Variants in NTRK3 observed in about 807,000 individuals in gnomAD.
NTRK3 encodes neurotrophic receptor tyrosine kinase 3.
NTRK3 carries 24 observed loss-of-function variants against 91.7 expected under a neutral mutation model. The ratio of observed to expected loss-of-function variants is 0.26; its 90% CI spans 0.19 to 0.37. The LOEUF (loss-of-function observed/expected upper bound fraction) is 0.37. NTRK3 is among the 10% of genes least tolerant of loss of function. The probability of loss-of-function intolerance (pLI) is 1.00; values close to 1 mark genes in which losing one functional copy is unlikely to be tolerated. For synonymous variants in NTRK3, 483 were observed against 404.0 expected, an observed-to-expected ratio of 1.20 and a Z score of -2.34; for missense variants, 880 against 1,068.9, an observed-to-expected ratio of 0.82 and a Z score of 2.46.
intron 14 of NTRK3, among the ~76,000 whole-genome samples, chr15:87,964,188 A>G (rs2072575080): frequency 6.6e-6 from 1 of 152,156 alleles, no homozygotes; most frequent in Admixed American, 6.6e-5. Flanking sequence ...ATAATTCATA[A>G]GGACACTCAA....
At chr15:87,985,139 G>T (rs891235236) in intron 14 of NTRK3, among the ~76,000 whole-genome samples, 2 of 152,148 alleles carry the variant, frequency 1.3e-5, no homozygotes. Flanking sequence ...TATCTCAGAA[G>T]GGGGAGACAG....
At chr15:88,125,274 G>A (rs895800802) in intron 13 of NTRK3, among the ~76,000 whole-genome samples, 1 of 152,196 alleles carries the variant, frequency 6.6e-6, no homozygotes, top group Admixed American at 6.5e-5. Flanking sequence ...ATACAACTCA[G>A]AGGATCACCG....
chr15:88,138,626 C>T (rs1007265624), intron 6 of NTRK3, among the ~76,000 whole-genome samples: 14 of 152,156 alleles, frequency 9.2e-5, no homozygotes, highest in African/African-American at 3.1e-4. Context: ...TTTGTTCCTA[C>T]CCCAGGACCT....
intron 5 of NTRK3, among the ~76,000 whole-genome samples, chr15:88,157,384 C>T (rs2044011305): frequency 6.6e-6 from 1 of 152,170 alleles, no homozygotes; most frequent in African/African-American, 2.4e-5. Flanking sequence ...CCCCTCCCTG[C>T]CTCTCAAGGA....
At position 87,873,911 on chromosome 15, in the gene NTRK3, C is replaced by T. The variant is rs1426835048; in HGVS notation, c.*3024G>A. ...AGGCCCAGTGAGCCTTCAGCGGCAACTGCCCCCCACCTATGCAAGGCTGTC... is the reference window on the plus strand; with the variant it reads ...AGGCCCAGTGAGCCTTCAGCGGCAATTGCCCCCCACCTATGCAAGGCTGTC... On this transcript the variant is annotated 3_prime_UTR_variant, in exon 19 of 19. Transcript: ENST00000394480. The T allele has an allele frequency of 1.7e-5, 4 of 230,346 alleles. No homozygotes were observed. The East Asian group carries it at 2.5e-4, about 14-fold the overall frequency. The allele number at this position is 230,346 out of a possible 1,614,324, so 14.3% of individuals were successfully genotyped here.
chr15:88,177,967 C>T (rs1454213062), intron 5 of NTRK3, among the ~76,000 whole-genome samples: 1 of 152,174 alleles, frequency 6.6e-6, no homozygotes, highest in Non-Finnish European at 1.5e-5. Flanking sequence ...AATAATTTGC[C>T]TAAGGTCAAC....
intron 13 of NTRK3, among the ~76,000 whole-genome samples, chr15:88,077,305 G>C (rs2047634306): frequency 1.3e-5 from 2 of 151,946 alleles, no homozygotes; most frequent in South Asian, 4.2e-4. Flanking sequence ...CTTGACCCCA[G>C]ACCAATGTTT....
intron 3 of NTRK3, among the ~76,000 whole-genome samples, chr15:88,196,537 G>T (rs140262256): frequency 4.9e-4 from 75 of 152,332 alleles, no homozygotes; most frequent in Middle Eastern, 3.4e-3. Context: ...TGAAAGGGAG[G>T]AAATGATATT....
intron 3 of NTRK3, among the ~76,000 whole-genome samples, chr15:88,198,690 G>C (rs1336569191): frequency 6.6e-6 from 1 of 151,114 alleles, no homozygotes; most frequent in Non-Finnish European, 1.5e-5. Flanking sequence ...CCCATGCTCA[G>C]TTCTGCGCTC....
chr15:88,138,401 C>A (rs1261128075), intron 6 of NTRK3, among the ~76,000 whole-genome samples: 1 of 152,182 alleles, frequency 6.6e-6, no homozygotes, highest in East Asian at 1.9e-4. Flanking sequence ...CAGAGCAAGA[C>A]TCTGTCTCAA....
At chr15:87,873,644 A>T in exon 19 of NTRK3, 1 of 232,092 alleles carries the variant, frequency 4.3e-6, no homozygotes, top group Non-Finnish European at 8.5e-6. Context: ...AATGAACTGG[A>T]GTGGCCATAT....
exon 8 of NTRK3, chr15:88,136,502 T>A (rs746825531): frequency 1.9e-6 from 3 of 1,614,114 alleles, no homozygotes; most frequent in South Asian, 2.2e-5. Context: ...CCAGTGACTA[T>A]CCAGTCCACA....
chr15:87,947,257 C>G (rs2070648081), intron 14 of NTRK3, among the ~76,000 whole-genome samples: 1 of 151,836 alleles, frequency 6.6e-6, no homozygotes, highest in South Asian at 2.1e-4. Flanking sequence ...GGTTACGTAA[C>G]TTGCCCAAGA....
At chr15:88,076,672 T>A (rs2047569347) in intron 13 of NTRK3, among the ~76,000 whole-genome samples, 2 of 120,410 alleles carry the variant, frequency 1.7e-5, no homozygotes, top group African/African-American at 3.0e-5. Flanking sequence ...TATACATATG[T>A]AAAAAAAAAA....
intron 14 of NTRK3, among the ~76,000 whole-genome samples, chr15:87,963,655 G>C (rs984772077): frequency 6.6e-6 from 1 of 152,210 alleles, no homozygotes; most frequent in African/African-American, 2.4e-5. Flanking sequence ...AGGTAGGCTA[G>C]TCTAAGCGAT....
exon 19 of NTRK3, chr15:87,869,533 T>C (rs919893353): frequency 3.7e-5 from 8 of 217,682 alleles, no homozygotes; most frequent in African/African-American, 1.8e-4. Context: ...GGTCCAATTT[T>C]CTCACTGTTT....
intron 13 of NTRK3, among the ~76,000 whole-genome samples, chr15:88,119,670 G>A (rs1336098438): frequency 2.0e-5 from 3 of 152,152 alleles, no homozygotes; most frequent in African/African-American, 7.2e-5. Flanking sequence ...CAATTCAGAG[G>A]AGGAAATAGA....
At chr15:88,186,540 G>A (rs1172571903) in intron 3 of NTRK3, among the ~76,000 whole-genome samples, 1 of 152,222 alleles carries the variant, frequency 6.6e-6, no homozygotes, top group Non-Finnish European at 1.5e-5. Flanking sequence ...CAGTGCAACA[G>A]TGTGGGTAGG....
intron 3 of NTRK3, among the ~76,000 whole-genome samples, chr15:88,213,771 C>T (rs1455320011): frequency 1.3e-5 from 2 of 152,114 alleles, no homozygotes; most frequent in Admixed American, 6.5e-5. Context: ...TAAGGTCACA[C>T]AGCTTAAGTA....
Sources: gnomAD v4.1 joint callset for allele counts (sites outside exome capture counted in the v4.1 genomes callset) on GRCh38, gnomAD v4.1.1 for gene constraint, MANE v1.5 for transcripts, NCBI Gene and HGNC (gene_info 2026-07-23, HGNC 2026-07-21) for gene names.